Variants in PDE6G observed in about 807,000 individuals in gnomAD.
PDE6G encodes the protein rod cGMP 3',5'-cyclic phosphodiesterase subunit gamma.
Under a neutral mutation model 10.9 loss-of-function variants are expected in PDE6G, and 10 were observed. The observed-to-expected ratio is 0.91, with a 90% CI of 0.56 to 1.55. The LOEUF (loss-of-function observed/expected upper bound fraction) is 1.55. Among genes scored for constraint, PDE6G ranks in the 40% most tolerant of loss-of-function variants. The pLI is 0.00. For synonymous variants in PDE6G, 41 were observed against 42.8 expected, an observed-to-expected ratio of 0.96 and a Z score of 0.16; for missense variants, 102 against 110.1, an observed-to-expected ratio of 0.93 and a Z score of 0.33.
upstream of PDE6G, among the ~76,000 whole-genome samples, chr17:81,659,781 T>C (rs540657770): frequency 1.0e-3 from 153 of 152,250 alleles, no homozygotes; most frequent in African/African-American, 3.5e-3. Flanking sequence ...AAGTTACTTA[T>C]GTTTACATGA....
upstream of PDE6G, among the ~76,000 whole-genome samples, chr17:81,661,212 A>C (rs2036507423): frequency 6.6e-6 from 1 of 152,238 alleles, no homozygotes. Context: ...CCCCATCTCC[A>C]CATACAGACA....
At chr17:81,661,997 C>T (rs2036516819) in intron 1 of PDE6G, among the ~76,000 whole-genome samples, 1 of 152,068 alleles carries the variant, frequency 6.6e-6, no homozygotes, top group Non-Finnish European at 1.5e-5. Flanking sequence ...CACCACTACA[C>T]TCCAACCTGG....
Position 81,651,252 on chromosome 17 carries a change from TGTGCTGAGCGGGGAC to T in PDE6G, c.188-117_188-103del. On this transcript the variant is annotated intron_variant, in intron 3 of 3. Transcript: ENST00000331056. This position sits in a 1 kb window ranked among gnomAD's most constrained non-coding sequence, Gnocchi z 4.8. ...CCACAGCCCAGGTGTAGCCCTACAGTGTGCTGAGCGGGGACGTGCGGACGCTGGAGTGGGGCCCTC... is the reference window on the plus strand; with the variant it reads ...CCACAGCCCAGGTGTAGCCCTACAGTGTGCGGACGCTGGAGTGGGGCCCTC... 1.2e-6 allele frequency: 1 copy of T among 865,784 alleles called. No homozygotes were observed. Among genetic ancestry groups the T allele is most frequent in the East Asian group, 2.5e-5 (1 of 39,226 alleles). 53.6% of individuals were successfully genotyped at this position (865,784 alleles called of 1,614,324 possible).
upstream of PDE6G, among the ~76,000 whole-genome samples, chr17:81,659,952 G>A (rs966542755): frequency 6.6e-6 from 1 of 152,170 alleles, no homozygotes; most frequent in Non-Finnish European, 1.5e-5. Context: ...GGGCGTGGTG[G>A]TGCATGCTTG....
chr17:81,657,938 A>C (rs865887949), upstream of PDE6G, among the ~76,000 whole-genome samples: 9 of 151,876 alleles, frequency 5.9e-5, no homozygotes, highest in South Asian at 2.1e-4. Context: ...GGCCGGGAGC[A>C]GTGGCTCTCA....
upstream of PDE6G, among the ~76,000 whole-genome samples, chr17:81,660,372 A>G (rs371085635): frequency 5.9e-5 from 9 of 152,334 alleles, no homozygotes; most frequent in East Asian, 1.2e-3. Context: ...AGATTGTGCC[A>G]TTGCTCTCTA....
chr17:81,653,530 C>T lies in PDE6G; in HGVS notation c.-59-166G>A. 1 of 584,966 alleles carries T rather than the reference C, an allele frequency of 1.7e-6. No homozygotes were observed. The highest frequency in any genetic ancestry group is 2.0e-5 in the South Asian group (1 of 50,740). The allele number at this position is 584,966 out of a possible 1,614,324, so 36.2% of individuals were successfully genotyped here. On this transcript the variant is annotated intron_variant, in intron 1 of 3. Transcript: ENST00000331056. This position sits in a 1 kb window ranked among gnomAD's most constrained non-coding sequence, Gnocchi z 5.2. ...TGGGGTAACCAGCCTGCCAGCTTTG[C>T]TTGGGTCCACCCGCACGCTCCCATT...
chr17:81,660,680 T>C (rs150201528), upstream of PDE6G, among the ~76,000 whole-genome samples: 1,034 of 152,276 alleles, frequency 6.8e-3, 7 homozygotes, highest in Non-Finnish European at 0.011. Context: ...TTTGTAAAGA[T>C]AGAGTCTCAC....
chr17:81,660,256 A>C (rs1177610837), upstream of PDE6G, among the ~76,000 whole-genome samples: 1 of 151,808 alleles, frequency 6.6e-6, no homozygotes, highest in Non-Finnish European at 1.5e-5. Flanking sequence ...TACTAAAAAT[A>C]CAAAAAATTA....
chr17:81,656,603 G>C (rs1195794512), upstream of PDE6G: 1 of 739,310 alleles, frequency 1.4e-6, no homozygotes, highest in Non-Finnish European at 2.5e-6. Context: ...AGGCGTCTCA[G>C]TGCCACCCTA....
chr17:81,659,318 G>C (rs943931210), upstream of PDE6G, among the ~76,000 whole-genome samples: 2 of 151,836 alleles, frequency 1.3e-5, no homozygotes, highest in East Asian at 1.9e-4. Flanking sequence ...CTCTGAAATA[G>C]TAAAATAGGC....
chr17:81,652,529 G>A (rs1324799485), intron 2 of PDE6G, among the ~76,000 whole-genome samples: 7 of 151,648 alleles, frequency 4.6e-5, no homozygotes, highest in Admixed American at 2.0e-4. Context: ...CGCCCGCCTC[G>A]GCCTCCCAAA....
Position 81,653,086 on chromosome 17 carries a change from C to A in PDE6G, c.146+74G>T. 1 of 1,565,574 alleles carries A rather than the reference C, an allele frequency of 6.4e-7. No individual in the cohort carries two copies. The highest frequency in any genetic ancestry group is 1.1e-5 in the South Asian group (1 of 89,978). Reference sequence around the variant, plus strand: ...CAGTGAAGTGGCCCCAGGCTCTGCCCCGCCCTCCCCTTCCTGTGCAGCCTC... The same window carrying A: ...CAGTGAAGTGGCCCCAGGCTCTGCCACGCCCTCCCCTTCCTGTGCAGCCTC... On this transcript the variant is annotated intron_variant, in intron 2 of 3. Transcript: ENST00000331056. The surrounding 1 kb of genome is among the most constrained non-coding windows in gnomAD (Gnocchi z 5.2).
rs1227197951 is a variant in PDE6G, at chr17:81,655,263, C to G, written c.-60+1230G>C. On this transcript the variant is annotated intron_variant, in intron 1 of 3. Transcript: ENST00000331056. ...GGCACGGCGCCCCTGGGAAAGGGGC[C>G]TGTCTCAGAGACTTGGTGCTGAGCT... Among the ~76,000 whole-genome samples, 7 of 152,206 alleles carry G rather than the reference C, an allele frequency of 4.6e-5. 1 individual carries two copies. In the East Asian group the frequency reaches 1.4e-3, roughly 29 times the overall value.
Position 81,651,707 on chromosome 17 carries a change from G to A in PDE6G, c.147-22C>T. ...AAACCTGCAAGGACAGAGCACTCAG[G>A]GACATGGCCGGGCCCAGTCCTGGCT... is the stretch of plus-strand genomic sequence containing the variant. On this transcript the variant is annotated intron_variant, in intron 2 of 3. Coordinates refer to ENST00000331056, the MANE Select transcript of PDE6G (RefSeq NM_002602.4). This position sits in a 1 kb window ranked among gnomAD's most constrained non-coding sequence, Gnocchi z 4.8. 6.2e-7 allele frequency: 1 copy of A among 1,613,420 alleles called. No individual in the cohort carries two copies. Among genetic ancestry groups the A allele is most frequent in the African/African-American group, 1.3e-5 (1 of 74,994 alleles).
At chr17:81,652,710 G>A (rs953306328) in intron 2 of PDE6G, among the ~76,000 whole-genome samples, 2 of 152,042 alleles carry the variant, frequency 1.3e-5, no homozygotes, top group African/African-American at 4.8e-5. Flanking sequence ...TGAGTAGCTG[G>A]GATTACAGGC....
chr17:81,650,732 G>A lies in PDE6G; in HGVS notation c.*342C>T, dbSNP rs2036335909. ...CCCTAGCTTTCCAGCTGGGAGGAGG[G>A]GACGATCTGGGGTCCAGCAGGCTCC... On this transcript the variant is annotated 3_prime_UTR_variant, in exon 4 of 4. Transcript: ENST00000331056. The A allele has an allele frequency of 4.3e-6, 2 of 464,874 alleles. No individual in the cohort carries two copies. Among genetic ancestry groups the A allele is most frequent in the Non-Finnish European group, 8.6e-6 (2 of 233,348 alleles). 28.8% of individuals were successfully genotyped at this position (464,874 alleles called of 1,614,324 possible). A position where few individuals can be genotyped will look rare whatever the true frequency, so the allele number is the denominator to read the frequency against.
intron 1 of PDE6G, among the ~76,000 whole-genome samples, chr17:81,662,193 G>T (rs534113378): frequency 9.2e-4 from 140 of 152,238 alleles, no homozygotes; most frequent in Admixed American, 1.7e-3. Flanking sequence ...TTGGGCACAT[G>T]TTGCCAGGAC....
At chr17:81,659,132 A>G (rs2036485087), upstream of PDE6G, among the ~76,000 whole-genome samples, 1 of 151,042 alleles carries the variant, frequency 6.6e-6, no homozygotes, top group African/African-American at 2.4e-5. Context: ...CCCAGAGGAA[A>G]CAAGATTGCA....
Sources: allele counts gnomAD v4.1 joint callset (sites outside exome capture counted in the v4.1 genomes callset), GRCh38; gene constraint gnomAD v4.1.1; non-coding constraint Gnocchi (gnomAD v3.1); transcripts MANE v1.5; gene names NCBI Gene and HGNC (gene_info 2026-07-23, HGNC 2026-07-21).